PASK: variants seen among roughly 807,000 people sequenced by gnomAD.
PASK encodes PAS domain containing serine/threonine kinase, also known as PAS domain-containing serine/threonine-protein kinase.
In PASK, 110 loss-of-function variants were observed where a neutral mutation model predicts 121.0. That is an observed-to-expected ratio of 0.91 (90% CI 0.78 to 1.06). The LOEUF (loss-of-function observed/expected upper bound fraction) is 1.06. PASK is among the 50% of genes least tolerant of loss of function. PASK has a pLI of 0.00. For synonymous variants in PASK, 686 were observed against 717.8 expected, an observed-to-expected ratio of 0.96 and a Z score of 0.71; for missense variants, 1,643 against 1,702.3, an observed-to-expected ratio of 0.97 and a Z score of 0.61.
At position 241,114,760 on chromosome 2, in the gene PASK, T is replaced by C. The variant is rs73112155; in HGVS notation, c.3333+283A>G. ...CCTTACTGGTTAATTTTTATGATTG[T>C]TGTGGATATTTTATGTATGTAAATA... On this transcript the variant is annotated intron_variant, in intron 14 of 17. Transcript: ENST00000234040. 7,174 of 1,401,700 alleles carry C rather than the reference T, an allele frequency of 5.1e-3. 274 individuals carry two copies. In the African/African-American group the frequency reaches 0.088, roughly 17 times the overall value. 86.8% of individuals were successfully genotyped at this position (1,401,700 alleles called of 1,614,324 possible).
intron 8 of PASK, chr2:241,134,640 T>C (rs75992350): frequency 0.014 from 2,101 of 152,334 alleles, 80 homozygotes; most frequent in East Asian, 0.11. Flanking sequence ...ACTCATTCGA[T>C]ACCCGAGTGA....
upstream of PASK, chr2:241,149,868 G>A: frequency 2.1e-6 from 3 of 1,454,682 alleles, no homozygotes; most frequent in East Asian, 2.6e-5. Flanking sequence ...TGGCGCCCCG[G>A]AGCCAGCCAG....
At chr2:241,107,264 T>C (rs2064924772) in intron 17 of PASK, 89 bp downstream of exon 17, 2 of 1,165,512 alleles carry the variant, frequency 1.7e-6, no homozygotes, top group East Asian at 2.3e-5. Context: ...AGAGCCTCCT[T>C]TTCCTCCTTT....
intron 8 of PASK, among the ~76,000 whole-genome samples, chr2:241,135,544 G>A (rs995223136): frequency 6.6e-6 from 1 of 152,062 alleles, no homozygotes; most frequent in African/African-American, 2.4e-5. Context: ...ACTACATGAA[G>A]CTATATAAGT....
chr2:241,115,928 AC>A (rs2125409560), intron 12 of PASK, among the ~76,000 whole-genome samples: 3 of 75,510 alleles, frequency 4.0e-5, no homozygotes, highest in African/African-American at 1.2e-4. Flanking sequence ...ACCAGGGGCC[AC>A]CATCAGTCCT....
upstream of PASK, chr2:241,149,698 G>A (rs911008489): frequency 1.3e-6 from 2 of 1,550,996 alleles, no homozygotes; most frequent in African/African-American, 2.7e-5. Context: ...CCCGACTCGC[G>A]ATCAAAATGG....
At chr2:241,117,592 C>T (rs141593865) in intron 12 of PASK, among the ~76,000 whole-genome samples, 10 of 152,326 alleles carry the variant, frequency 6.6e-5, no homozygotes, top group African/African-American at 2.2e-4. Flanking sequence ...TACCAAGTAT[C>T]AAGCAAGAAT....
chr2:241,147,334 T>C (rs982656351), intron 1 of PASK, among the ~76,000 whole-genome samples: 3 of 152,160 alleles, frequency 2.0e-5, no homozygotes, highest in Non-Finnish European at 4.4e-5. Context: ...CAGACTGCAA[T>C]GTCAATGTTA....
intron 12 of PASK, chr2:241,118,808 C>A (rs2065479073): frequency 2.0e-6 from 1 of 507,432 alleles, no homozygotes; most frequent in Non-Finnish European, 2.8e-6. Flanking sequence ...AACAGGCCAG[C>A]GTGTACACCA....
chr2:241,129,684 A>G (rs1249947600), intron 9 of PASK, among the ~76,000 whole-genome samples: 2 of 152,262 alleles, frequency 1.3e-5, no homozygotes, highest in Non-Finnish European at 2.9e-5. Flanking sequence ...CTCAGGAAAC[A>G]TGAGGACATC....
chr2:241,127,093 TC>T lies in PASK; in HGVS notation c.1821del (p.Met608CysfsTer36), dbSNP rs2065903531. The T allele has an allele frequency of 2.5e-6, 4 of 1,613,890 alleles. No homozygotes were observed. The highest frequency in any genetic ancestry group is 3.4e-6 in the Non-Finnish European group (4 of 1,180,020). On this transcript the variant is annotated frameshift_variant, in exon 10 of 18. Transcript: ENST00000234040. LOFTEE classifies it high-confidence loss of function. Reference sequence around the variant, plus strand: ...TCACTCCCATAGCAAGGGCAGTGCATCAGGAGGCTGCCCCCCGCCAGCTGAC... The same window carrying T: ...TCACTCCCATAGCAAGGGCAGTGCATAGGAGGCTGCCCCCCGCCAGCTGAC... Reference protein sequence around the residue: ...AKGQLAGGSLLMHCPCYGSEW... With the variant: ...AKGQLAGGSLXMHCPCYGSEW...
chr2:241,149,055 C>T (rs1428888654), intron 1 of PASK, among the ~76,000 whole-genome samples: 1 of 152,112 alleles, frequency 6.6e-6, no homozygotes, highest in African/African-American at 2.4e-5. Context: ...GCTGGTTCTC[C>T]TGGAGCTCGC....
chr2:241,131,563 C>T (rs964394751), intron 9 of PASK, among the ~76,000 whole-genome samples: 5 of 152,148 alleles, frequency 3.3e-5, no homozygotes, highest in African/African-American at 1.2e-4. Context: ...ACAGACACAG[C>T]AATAAGCAGA....
At chr2:241,110,803 C>T (rs543520412) in intron 15 of PASK, among the ~76,000 whole-genome samples, 1 of 152,356 alleles carries the variant, frequency 6.6e-6, no homozygotes, top group East Asian at 1.9e-4. Context: ...CACCAGCGCC[C>T]ACCAGGCTCT....
In PASK at chr2:241,137,903, G is replaced by C. The variant is rs749906634; in HGVS notation, c.876+50C>G. 6 of 1,604,678 alleles carry C rather than the reference G, an allele frequency of 3.7e-6. No individual in the cohort carries two copies. In the Admixed American group the frequency reaches 8.3e-5, roughly 22 times the overall value. On this transcript the variant is annotated intron_variant, in intron 6 of 17. Transcript: ENST00000234040. ...GTCTGCGTCTCCAGTTATGGATTCA[G>C]AGCTAAGAACTCCACCCCATCACAC...
chr2:241,107,585 C>CG (rs955455773), intron 16 of PASK, 86 bp from the exon 17 acceptor site: 1 of 1,315,772 alleles, frequency 7.6e-7, no homozygotes, highest in African/African-American at 1.5e-5. Flanking sequence ...ACCACCCCCC[C>CG]GCAGAGCCTC....
intron 15 of PASK, among the ~76,000 whole-genome samples, chr2:241,110,811 T>A (rs988315496): frequency 1.3e-5 from 2 of 152,184 alleles, no homozygotes; most frequent in African/African-American, 2.4e-5. Context: ...CCCACCAGGC[T>A]CTAGGGCAAC....
chr2:241,147,938 G>A (rs1392676685), intron 1 of PASK, among the ~76,000 whole-genome samples: 1 of 152,166 alleles, frequency 6.6e-6, no homozygotes, highest in African/African-American at 2.4e-5. Flanking sequence ...TGAAGTCCAC[G>A]TGGGCCAGTT....
At chr2:241,122,427 G>A (rs568250641) in intron 12 of PASK, among the ~76,000 whole-genome samples, 19 of 152,336 alleles carry the variant, frequency 1.2e-4, no homozygotes, top group Middle Eastern at 3.4e-3. Context: ...CAAGCCCCAG[G>A]CTCAGAAAGG....
Sources: allele counts gnomAD v4.1 joint callset (sites outside exome capture counted in the v4.1 genomes callset), GRCh38; gene constraint gnomAD v4.1.1; transcripts MANE v1.5; gene names NCBI Gene and HGNC (gene_info 2026-07-23, HGNC 2026-07-21).